Variants in FAM204A observed in about 807,000 individuals in gnomAD.
FAM204A encodes family with sequence similarity 204 member A.
A neutral mutation model predicts 35.4 loss-of-function variants in FAM204A; 16 were observed. The ratio of observed to expected loss-of-function variants is 0.45; its 90% CI spans 0.31 to 0.69. FAM204A has a LOEUF of 0.69. FAM204A is among the 30% of genes least tolerant of loss of function. FAM204A has a pLI of 0.07. For synonymous variants in FAM204A, 76 were observed against 86.9 expected, an observed-to-expected ratio of 0.88 and a Z score of 0.70; for missense variants, 240 against 265.7, an observed-to-expected ratio of 0.90 and a Z score of 0.67.
At chr10:118,333,025 A>G (rs949930672) in intron 6 of FAM204A, among the ~76,000 whole-genome samples, 2 of 152,220 alleles carry the variant, frequency 1.3e-5, no homozygotes, top group Admixed American at 6.5e-5. Context: ...ATTTAATACA[A>G]AGAACACTTT....
In FAM204A at chr10:118,342,265, C is replaced by T. The variant is rs919780465; in HGVS notation, c.-210+5G>A. ...GGTAACCAACCCTCCATAAGCCGTA[C>T]TCACCTGTCAGGAAGTGGTCGCCCA... On this transcript the variant is annotated splice_donor_5th_base_variant and intron_variant, in intron 1 of 8. Coordinates refer to ENST00000369183, the MANE Select transcript of FAM204A (RefSeq NM_022063.3). The T allele has an allele frequency of 6.6e-6, 1 of 152,394 alleles. No homozygotes were observed. Among genetic ancestry groups the T allele is most frequent in the Non-Finnish European group, 1.5e-5 (1 of 68,218 alleles). The allele number at this position is 152,394 out of a possible 1,614,324, so 9.4% of individuals were successfully genotyped here.
chr10:118,336,115 G>C (rs1394632229), intron 3 of FAM204A, 67 bp downstream of exon 3: 4 of 1,553,870 alleles, frequency 2.6e-6, no homozygotes, highest in African/African-American at 2.7e-5. Context: ...TTCTGACCAG[G>C]GCAGAGACAC....
intron 7 of FAM204A, among the ~76,000 whole-genome samples, chr10:118,316,752 T>C (rs1308317254): frequency 6.6e-6 from 1 of 152,142 alleles, no homozygotes; most frequent in Non-Finnish European, 1.5e-5. Flanking sequence ...TATATGTGTG[T>C]ATATGTGCAT....
Position 118,307,209 on chromosome 10 carries a change from C to A in FAM204A, c.*3648G>T, listed in dbSNP as rs1393805263. 6.6e-6 allele frequency: 1 copy of A among 152,126 alleles called. No homozygotes were observed. The highest frequency in any genetic ancestry group is 1.5e-5 in the Non-Finnish European group (1 of 68,014). 9.4% of individuals were successfully genotyped at this position (152,126 alleles called of 1,614,324 possible). A position where few individuals can be genotyped will look rare whatever the true frequency, so the allele number is the denominator to read the frequency against. ...TCAACTTTTCAAAGTATTTTTCGAC[C>A]CGTCACCATGCTAGAAGGCACTGAT... On this transcript the variant is annotated 3_prime_UTR_variant, in exon 9 of 9. Coordinates refer to ENST00000369183, the MANE Select transcript of FAM204A (RefSeq NM_022063.3).
In FAM204A at chr10:118,310,639, A is replaced by C; in HGVS notation, c.*218T>G. The C allele has an allele frequency of 2.0e-6, 1 of 504,174 alleles. No homozygotes were observed. The highest frequency in any genetic ancestry group is 4.0e-5 in the Admixed American group (1 of 24,950). 31.2% of individuals were successfully genotyped at this position (504,174 alleles called of 1,614,324 possible). A position where few individuals can be genotyped will look rare whatever the true frequency, so the allele number is the denominator to read the frequency against. ...CTCTTCTTTCTATATTTTTTTTCTTACATTTCTTATACAAATAACAGAATG... is the reference window on the plus strand; with the variant it reads ...CTCTTCTTTCTATATTTTTTTTCTTCCATTTCTTATACAAATAACAGAATG... On this transcript the variant is annotated 3_prime_UTR_variant, in exon 9 of 9. Coordinates refer to ENST00000369183, the MANE Select transcript of FAM204A (RefSeq NM_022063.3).
rs770146702 is a variant in FAM204A at position 118,308,110 on chromosome 10, TC to T, written c.*2746del. On this transcript the variant is annotated 3_prime_UTR_variant, in exon 9 of 9. Transcript: ENST00000369183. ...CAAGAATGCACTGCCAACTTCCCTTTCTCAGAACCAGTGCTGTAAAGCTCAA... is the reference window on the plus strand; with the variant it reads ...CAAGAATGCACTGCCAACTTCCCTTTTCAGAACCAGTGCTGTAAAGCTCAA... 28 of 152,378 alleles carry T rather than the reference TC, an allele frequency of 1.8e-4. No homozygotes were observed. The highest frequency in any genetic ancestry group is 8.8e-5 in the Non-Finnish European group (6 of 68,040). The allele number at this position is 152,378 out of a possible 1,614,324, so 9.4% of individuals were successfully genotyped here.
rs1159049369 is a variant in FAM204A, at chr10:118,306,083, C to T, written c.*4774G>A. ...CAGCTTGCACTGTAGCTGTTGGTTCCTAAGGCTTTAAATTCAATGAACAAG... is the reference window on the plus strand; with the variant it reads ...CAGCTTGCACTGTAGCTGTTGGTTCTTAAGGCTTTAAATTCAATGAACAAG... On this transcript the variant is annotated 3_prime_UTR_variant, in exon 9 of 9. Coordinates refer to ENST00000369183, the MANE Select transcript of FAM204A (RefSeq NM_022063.3). 6.6e-6 allele frequency: 1 copy of T among 152,214 alleles called. No homozygotes were observed. 9.4% of individuals were successfully genotyped at this position (152,214 alleles called of 1,614,324 possible).
Position 118,298,966 on chromosome 10 carries a change from G to T in FAM204A, c.*11891C>A, listed in dbSNP as rs1845778556. On this transcript the variant is annotated 3_prime_UTR_variant, in exon 9 of 9. Coordinates refer to ENST00000369183, the MANE Select transcript of FAM204A (RefSeq NM_022063.3). ...GCAGCGATGGACTAATGGTTGCCTA[G>T]CAACCACTAGACATTGTTTTGCTGC... 6.6e-6 allele frequency: 1 copy of T among 152,188 alleles called. No individual in the cohort carries two copies. The highest frequency in any genetic ancestry group is 6.5e-5 in the Admixed American group (1 of 15,290). The allele number at this position is 152,188 out of a possible 1,614,324, so 9.4% of individuals were successfully genotyped here.
chr10:118,335,302 T>C (rs1846363345), intron 5 of FAM204A, 89 bp from the exon 6 acceptor site: 1 of 1,546,970 alleles, frequency 6.5e-7, no homozygotes, highest in African/African-American at 1.4e-5. Context: ...TATACTACAA[T>C]TACTAGTTCA....
intron 3 of FAM204A, chr10:118,335,924 C>T (rs1313130008): frequency 1.9e-6 from 1 of 534,020 alleles, no homozygotes; most frequent in Non-Finnish European, 3.2e-6. Flanking sequence ...TACTCATGTA[C>T]CACGCTAGGC....
chr10:118,336,126 A>AC, intron 3 of FAM204A, 56 bp downstream of exon 3: 1 of 1,574,006 alleles, frequency 6.4e-7, no homozygotes, highest in East Asian at 2.2e-5. Flanking sequence ...GCAGAGACAC[A>AC]CAGAGGCATG....
In FAM204A at chr10:118,336,258, T is replaced by C; in HGVS notation, c.158A>G (p.Glu53Gly). The C allele has an allele frequency of 6.2e-7, 1 of 1,613,958 alleles. No homozygotes were observed. The highest frequency in any genetic ancestry group is 1.7e-4 in the Middle Eastern group (1 of 6,060). Residue 53 changes from glutamate to glycine, a missense_variant, in exon 3 of 9, where the codon GAA becomes GGA. Coordinates refer to ENST00000369183, the MANE Select transcript of FAM204A (RefSeq NM_022063.3). The part of the protein sequence containing the change: ...KTEIIDFSTD[E>G]PKTETESNVN... The stretch of plus-strand genomic sequence containing the variant: ...ATTTGACTCTGTTTCAGTTTTTGGT[T>C]CATCTGTTGAGAAATCTATGATTTC...
intron 6 of FAM204A, among the ~76,000 whole-genome samples, chr10:118,329,099 C>T (rs1263458796): frequency 6.6e-6 from 1 of 152,188 alleles, no homozygotes; most frequent in Non-Finnish European, 1.5e-5. Context: ...TGCTGCCCTG[C>T]TTCTCCTCCT....
Position 118,302,533 on chromosome 10 carries a change from G to A in FAM204A, c.*8324C>T, listed in dbSNP as rs1845818878. ...TCCAAGGTGCACAGAAACATCTGAG[G>A]ACTTTAATTAAGCCCTCCACCATCG... On this transcript the variant is annotated 3_prime_UTR_variant, in exon 9 of 9. Transcript: ENST00000369183. 6.6e-6 allele frequency: 1 copy of A among 152,208 alleles called. No homozygotes were observed. Among genetic ancestry groups the A allele is most frequent in the South Asian group, 2.1e-4 (1 of 4,828 alleles). 9.4% of individuals were successfully genotyped at this position (152,208 alleles called of 1,614,324 possible).
rs144402247 is a variant in FAM204A at position 118,304,585 on chromosome 10, C to G, written c.*6272G>C. Reference sequence around the variant, plus strand: ...CCCTGCTAAAGTCCTTGCTGTACCTCAAATGTGCCACGCCGTTCCTTCTAC... The same window carrying G: ...CCCTGCTAAAGTCCTTGCTGTACCTGAAATGTGCCACGCCGTTCCTTCTAC... On this transcript the variant is annotated 3_prime_UTR_variant, in exon 9 of 9. Coordinates refer to ENST00000369183, the MANE Select transcript of FAM204A (RefSeq NM_022063.3). The G allele has an allele frequency of 6.6e-6, 1 of 152,520 alleles. No individual in the cohort carries two copies. The highest frequency in any genetic ancestry group is 2.4e-5 in the African/African-American group (1 of 41,550). 9.4% of individuals were successfully genotyped at this position (152,520 alleles called of 1,614,324 possible).
At chr10:118,327,037 C>G (rs936717659) in intron 6 of FAM204A, among the ~76,000 whole-genome samples, 6 of 152,118 alleles carry the variant, frequency 3.9e-5, no homozygotes, top group African/African-American at 1.4e-4. Context: ...AACTGGAGTT[C>G]TAGTTTGTGA....
At chr10:118,333,083 T>A (rs570307933) in intron 6 of FAM204A, among the ~76,000 whole-genome samples, 1 of 152,284 alleles carries the variant, frequency 6.6e-6, no homozygotes, top group African/African-American at 2.4e-5. Flanking sequence ...AATACAAGCC[T>A]CTGCATTGTC....
chr10:118,316,958 A>G (rs945293237), intron 7 of FAM204A, among the ~76,000 whole-genome samples: 1 of 152,116 alleles, frequency 6.6e-6, no homozygotes, highest in African/African-American at 2.4e-5. Context: ...AGGGGAAAAA[A>G]GCATTAAAAA....
At chr10:118,318,926 CTTT>C (rs375940724) in intron 7 of FAM204A, among the ~76,000 whole-genome samples, 1 of 140,974 alleles carries the variant, frequency 7.1e-6, no homozygotes. Context: ...TTGGGAAGGG[CTTT>C]TTTTTTTTTT....
Sources: allele counts gnomAD v4.1 joint callset (sites outside exome capture counted in the v4.1 genomes callset), GRCh38; gene constraint gnomAD v4.1.1; transcripts MANE v1.5; gene names NCBI Gene and HGNC (gene_info 2026-07-23, HGNC 2026-07-21).